The following EGF variants were observed in gnomAD, a reference collection of about 807,000 sequenced individuals.
EGF encodes the protein pro-epidermal growth factor.
A neutral mutation model predicts 143.8 loss-of-function variants in EGF; 95 were observed. That is an observed-to-expected ratio of 0.66 (90% confidence interval 0.56 to 0.78). The LOEUF (loss-of-function observed/expected upper bound fraction) is 0.78. EGF is among the 30% of genes least tolerant of loss of function. The pLI, the probability that EGF is intolerant of heterozygous loss-of-function variation, is 0.00. For missense variants in EGF, 1,320 were observed against 1,470.9 expected, an observed-to-expected ratio of 0.90 and a Z score of 1.68; for synonymous variants, 510 against 510.5, an observed-to-expected ratio of 1.00 and a Z score of 0.01.
At chr4:109,984,678 G>A (rs954217462) in intron 16 of EGF, among the ~76,000 whole-genome samples, 1 of 152,130 alleles carries the variant, frequency 6.6e-6, no homozygotes, top group African/African-American at 2.4e-5. Flanking sequence ...GTTCAAACCC[G>A]TGTTGTTCAA....
At chr4:109,963,697 T>C (rs1480828685) in intron 9 of EGF, among the ~76,000 whole-genome samples, 7 of 152,184 alleles carry the variant, frequency 4.6e-5, no homozygotes, top group African/African-American at 1.7e-4. Context: ...CAAAATTCAA[T>C]ATAAAGTTGT....
At chr4:109,999,113 G>A (rs903318756) in intron 20 of EGF, among the ~76,000 whole-genome samples, 4 of 152,054 alleles carry the variant, frequency 2.6e-5, no homozygotes, top group Non-Finnish European at 5.9e-5. Context: ...GCAAATGCCT[G>A]TATGTATGTT....
intron 5 of EGF, among the ~76,000 whole-genome samples, chr4:109,950,239 C>T (rs1203456452): frequency 1.3e-5 from 2 of 152,258 alleles, no homozygotes; most frequent in African/African-American, 4.8e-5. Context: ...TCCCTCTTCC[C>T]CAGCTCCTCT....
intron 11 of EGF, among the ~76,000 whole-genome samples, chr4:109,971,224 C>T (rs953709714): frequency 3.3e-5 from 5 of 152,102 alleles, no homozygotes; most frequent in East Asian, 1.9e-4. Flanking sequence ...GATGTACCAC[C>T]GCCCCAAGCC....
At chr4:109,960,795 A>T in intron 6 of EGF, 72 bp from the exon 7 acceptor site, 1 of 1,583,212 alleles carries the variant, frequency 6.3e-7, no homozygotes, top group Non-Finnish European at 8.7e-7. Context: ...CGTTGTGATG[A>T]CTTATTAGTG....
chr4:109,941,988 T>A (rs1742014748), intron 2 of EGF, among the ~76,000 whole-genome samples: 1 of 152,224 alleles, frequency 6.6e-6, no homozygotes, highest in Non-Finnish European at 1.5e-5. Flanking sequence ...CACACTATTT[T>A]TTGTTTTTTA....
intron 1 of EGF, among the ~76,000 whole-genome samples, chr4:109,934,836 C>T (rs986883127): frequency 5.3e-5 from 8 of 152,036 alleles, no homozygotes; most frequent in African/African-American, 9.7e-5. Flanking sequence ...CCCTATTGCT[C>T]GTTTTTGTCA....
intron 15 of EGF, 48 bp from the exon 16 acceptor site, chr4:109,983,374 T>A: frequency 6.2e-7 from 1 of 1,601,576 alleles, no homozygotes; most frequent in Non-Finnish European, 8.5e-7. Flanking sequence ...AAACTTTTTT[T>A]TTGAAACAGA....
intron 23 of EGF, among the ~76,000 whole-genome samples, chr4:110,008,609 C>CATGTT (rs1388798231): frequency 6.6e-6 from 1 of 152,146 alleles, no homozygotes; most frequent in Non-Finnish European, 1.5e-5. Flanking sequence ...AAACATGTTC[C>CATGTT]ATGTTCAGCC....
intron 5 of EGF, among the ~76,000 whole-genome samples, chr4:109,955,397 C>G (rs1744631192): frequency 6.6e-6 from 1 of 152,146 alleles, no homozygotes; most frequent in Admixed American, 6.5e-5. Flanking sequence ...AGCTAAAGAA[C>G]AGCAGAAGAT....
chr4:109,948,732 T>A (rs1278103631), intron 5 of EGF, among the ~76,000 whole-genome samples: 1 of 152,132 alleles, frequency 6.6e-6, no homozygotes, highest in Non-Finnish European at 1.5e-5. Context: ...GCGATCTGCC[T>A]GCCTCAGCCT....
intron 1 of EGF, among the ~76,000 whole-genome samples, chr4:109,937,142 T>C (rs1374919995): frequency 6.6e-6 from 1 of 152,150 alleles, no homozygotes; most frequent in African/African-American, 2.4e-5. Context: ...TGTTATTGTC[T>C]CCCACTTTTA....
intron 1 of EGF, among the ~76,000 whole-genome samples, chr4:109,935,351 G>T (rs1456671089): frequency 6.6e-6 from 1 of 152,044 alleles, no homozygotes; most frequent in African/African-American, 2.4e-5. Context: ...CTCATGATTT[G>T]GCTGTCTGTT....
chr4:110,008,874 T>A (rs11569127), intron 23 of EGF, among the ~76,000 whole-genome samples: 2 of 152,184 alleles, frequency 1.3e-5, no homozygotes, highest in African/African-American at 4.8e-5. Context: ...GGTCTCAGGT[T>A]GAGTTTTGTT....
intron 13 of EGF, among the ~76,000 whole-genome samples, chr4:109,976,469 A>G (rs1748521713): frequency 6.6e-6 from 1 of 152,222 alleles, no homozygotes; most frequent in South Asian, 2.1e-4. Flanking sequence ...AATCAGAATG[A>G]AAATATTAAA....
intron 14 of EGF, chr4:109,980,549 G>A: frequency 2.0e-6 from 1 of 500,236 alleles, no homozygotes; most frequent in Non-Finnish European, 3.6e-6. Context: ...TAGATGATGA[G>A]TCAGGAAATA....
Position 109,954,124 on chromosome 4 carries a change from TCACTGCAA to T in EGF, c.941-5186_941-5179del, listed in dbSNP as rs368533152. On this transcript the variant is annotated intron_variant, in intron 5 of 23. Coordinates refer to ENST00000265171, the MANE Select transcript of EGF (RefSeq NM_001963.6). ...TGGAGTGCAGTGGCATGATCTTGGC[TCACTGCAA>T]CCTCCGCCTCCCAGGTTCAAGCAAT... Among the ~76,000 whole-genome samples, 79 of 152,356 alleles carry T rather than the reference TCACTGCAA, an allele frequency of 5.2e-4. No homozygotes were observed. In the East Asian group the frequency reaches 0.014, roughly 27 times the overall value.
intron 12 of EGF, 77 bp downstream of exon 12, chr4:109,974,884 A>C: frequency 8.9e-7 from 1 of 1,118,088 alleles, no homozygotes; most frequent in Non-Finnish European, 1.3e-6. Flanking sequence ...AGTGTCCAAA[A>C]CCAGAAACCA....
chr4:109,914,745 G>A (rs1220038666), intron 1 of EGF, among the ~76,000 whole-genome samples: 2 of 152,168 alleles, frequency 1.3e-5, no homozygotes, highest in Admixed American at 1.3e-4. Context: ...AACAAAAAGA[G>A]GGTGACAAAT....
Sources: gnomAD v4.1 joint callset for allele counts (sites outside exome capture counted in the v4.1 genomes callset) on GRCh38, gnomAD v4.1.1 for gene constraint, MANE v1.5 for transcripts, NCBI Gene and HGNC (gene_info 2026-07-23, HGNC 2026-07-21) for gene names.